The following SIGLEC11 variants were observed in gnomAD, a reference collection of about 807,000 sequenced individuals.
The protein encoded by SIGLEC11 is sialic acid binding Ig like lectin 11.
Under a neutral mutation model 61.2 loss-of-function variants are expected in SIGLEC11, and 47 were observed. The observed-to-expected ratio is 0.77, with a 90% CI of 0.61 to 0.98. SIGLEC11 has a LOEUF of 0.98. Among genes scored for constraint, SIGLEC11 ranks in the 50% least tolerant of loss-of-function variants. The pLI is 0.00. For synonymous variants in SIGLEC11, 278 were observed against 373.1 expected (o/e 0.75, Z 2.94); for missense variants, 610 against 870.3 (o/e 0.70, Z 3.76).
chr19:49,959,603 C>T lies in SIGLEC11; in HGVS notation c.814G>A (p.Val272Ile), dbSNP rs112095721. The change falls in exon 5 of 11, where the codon GTC becomes ATC. Residue 272 changes from valine to isoleucine, a missense_variant. By Grantham distance (29) the Val-to-Ile change is conservative. This residue lies in a region of SIGLEC11 where 12 missense variants were observed against 101.0 expected (regional missense o/e 0.12). Coordinates refer to ENST00000447370, the MANE Select transcript of SIGLEC11 (RefSeq NM_052884.3). ...CCTTTCTGAACTTCCAGATATATGA[C>T]GTTTCCCTGGAGTTCCAGGGCTGAA... ...NTSALELQGN[V>I]IYLEVQKGQF... is the part of the protein sequence containing the mutation. 0.041 allele frequency: 23,778 copies of T among 575,608 alleles called. 253 individuals carry two copies. Among genetic ancestry groups the T allele is most frequent in the Non-Finnish European group, 0.047 (19,254 of 412,524 alleles). The allele number at this position is 575,608 out of a possible 1,614,324, so 35.7% of individuals were successfully genotyped here.
At position 49,952,395 on chromosome 19, in the gene SIGLEC11, C is replaced by T. The variant is rs2076164661; in HGVS notation, c.1652-1G>A. 1 of 1,603,948 alleles carries T rather than the reference C, an allele frequency of 6.2e-7. No homozygotes were observed. Among genetic ancestry groups the T allele is most frequent in the Non-Finnish European group, 8.5e-7 (1 of 1,179,288 alleles). On this transcript the variant is annotated splice_acceptor_variant, in intron 8 of 10. Coordinates refer to ENST00000447370, the MANE Select transcript of SIGLEC11 (RefSeq NM_052884.3). LOFTEE classifies it high-confidence loss of function. ...AGTCCTCCCCCATGCTCCAGCTTCC[C>T]TGCATGGGAGCAGGGTTTGGGGTGG...
chr19:49,949,772 G>T lies in SIGLEC11; in HGVS notation c.*198C>A, dbSNP rs2076145932. 1 of 444,788 alleles carries T rather than the reference G, an allele frequency of 2.2e-6. No individual in the cohort carries two copies. The allele number at this position is 444,788 out of a possible 1,614,324, so 27.6% of individuals were successfully genotyped here. On this transcript the variant is annotated 3_prime_UTR_variant, in exon 11 of 11. Coordinates refer to ENST00000447370, the MANE Select transcript of SIGLEC11 (RefSeq NM_052884.3). The stretch of plus-strand genomic sequence containing the variant: ...TGGGAGGCTCACTTCAACCTGGCAG[G>T]TTGAGGCTACAGTGAGCTGAGATTG...
Position 49,949,982 on chromosome 19 carries a change from C to G in SIGLEC11, c.2085G>C (p.Met695Ile). Reference sequence around the variant, plus strand: ...CATGGAGACCTCTTCACTTTGGAACCATCCCTGACATCTCCCTCTCCAATT... The same window carrying G: ...CATGGAGACCTCTTCACTTTGGAACGATCCCTGACATCTCCCTCTCCAATT... ...GLQLEREMSG[M>I]VPK The change falls in exon 11 of 11, where the codon ATG becomes ATC. Residue 695 changes from methionine (M) to isoleucine (I), a missense_variant. Transcript: ENST00000447370. The G allele has an allele frequency of 1.4e-6, 2 of 1,474,408 alleles. No individual in the cohort carries two copies. Among genetic ancestry groups the G allele is most frequent in the Non-Finnish European group, 1.8e-6 (2 of 1,107,608 alleles). 91.3% of individuals were successfully genotyped at this position (1,474,408 alleles called of 1,614,324 possible).
At chr19:49,959,656 GAGAGAGAGAATGGGT>G in intron 4 of SIGLEC11, 33 bp from the exon 5 acceptor site, 3 of 195,630 alleles carry the variant, frequency 1.5e-5, no homozygotes, top group Admixed American at 9.0e-5. Context: ...GGTGGGGGTG[GAGAGAGAGAATGGGT>G]GGGAGGGGGG....
At chr19:49,952,617 T>C (rs1198046264) in intron 8 of SIGLEC11, among the ~76,000 whole-genome samples, 1 of 152,192 alleles carries the variant, frequency 6.6e-6, no homozygotes, top group African/African-American at 2.4e-5. Context: ...AGGACAGTTA[T>C]AAGATAATAC....
chr19:49,960,390 G>C lies in SIGLEC11; in HGVS notation c.492C>G (p.Pro164=), dbSNP rs377136595. ...ALTKKPDVYI[P]ETLEPGQPVT... is the part of the protein sequence containing the mutation. ...CCGGCTGCCCGGGCTCCAGGGTCTCGGGGATGTAGACATCAGGCTTCTTAG... is the reference window on the plus strand; with the variant it reads ...CCGGCTGCCCGGGCTCCAGGGTCTCCGGGATGTAGACATCAGGCTTCTTAG... The change falls in exon 3 of 11, where the codon CCC becomes CCG. Residue 164 remains proline, a synonymous_variant. Coordinates refer to ENST00000447370, the MANE Select transcript of SIGLEC11 (RefSeq NM_052884.3). 2.4e-5 allele frequency: 38 copies of C among 1,597,358 alleles called. 1 individual carries two copies. Among genetic ancestry groups the C allele is most frequent in the Non-Finnish European group, 3.2e-5 (38 of 1,178,528 alleles).
At chr19:49,956,723 A>G (rs1431360178) in intron 8 of SIGLEC11, among the ~76,000 whole-genome samples, 1 of 152,162 alleles carries the variant, frequency 6.6e-6, no homozygotes, top group Non-Finnish European at 1.5e-5. Context: ...GGGATACCAC[A>G]CTCCTATTTA....
rs556080723 is a variant in SIGLEC11, at chr19:49,951,045, G to A, written c.1831-809C>T. ...CTGGTAGGAGCATCCCTGTTGACCT[G>A]GGACCACAAGCCAGGCCACATAGTT... On this transcript the variant is annotated intron_variant, in intron 10 of 10. Coordinates refer to ENST00000447370, the MANE Select transcript of SIGLEC11 (RefSeq NM_052884.3). This position sits in a 1 kb window ranked among gnomAD's most constrained non-coding sequence, Gnocchi z 4.6. Among the ~76,000 whole-genome samples the A allele has an allele frequency of 3.9e-5, 6 of 152,306 alleles. No homozygotes were observed. The highest frequency in any genetic ancestry group is 7.2e-5 in the African/African-American group (3 of 41,564).
chr19:49,954,969 G>C (rs2055582305), intron 8 of SIGLEC11, among the ~76,000 whole-genome samples: 1 of 151,956 alleles, frequency 6.6e-6, no homozygotes, highest in African/African-American at 2.4e-5. Flanking sequence ...GTGCTTCAGA[G>C]AGCTGACGAG....
At chr19:49,953,483 C>T (rs891190081) in intron 8 of SIGLEC11, among the ~76,000 whole-genome samples, 4 of 152,060 alleles carry the variant, frequency 2.6e-5, no homozygotes, top group African/African-American at 9.7e-5. Context: ...CTGGAGGTGG[C>T]GAGAGTGGCT....
In SIGLEC11 at chr19:49,958,788, C is replaced by G. The variant is rs772928619; in HGVS notation, c.1218G>C (p.Trp406Cys). ...GCTGGGAGGGGCCCACGGTCTGTCC[C>G]CACCGGGTCCAGCTCAGCCTGGCTG... is the stretch of plus-strand genomic sequence containing the variant. ...SPPARLSWTR[W>C]GQTVGPSQPS... The change falls in exon 7 of 11, where the codon TGG becomes TGC. Residue 406 changes from tryptophan (W) to cysteine (C), a missense_variant. This residue lies in a region of SIGLEC11 where 432 missense variants were observed against 441.5 expected (regional missense o/e 0.98). Coordinates refer to ENST00000447370, the MANE Select transcript of SIGLEC11 (RefSeq NM_052884.3). 1 of 1,613,604 alleles carries G rather than the reference C, an allele frequency of 6.2e-7. No individual in the cohort carries two copies. Among genetic ancestry groups the G allele is most frequent in the Admixed American group, 1.7e-5 (1 of 59,970 alleles).
Position 49,951,066 on chromosome 19 carries a change from T to C in SIGLEC11, c.1830+825A>G, listed in dbSNP as rs538886103. Among the ~76,000 whole-genome samples, 18 of 152,268 alleles carry C rather than the reference T, an allele frequency of 1.2e-4. No homozygotes were observed. In the South Asian group the frequency reaches 3.3e-3, roughly 28 times the overall value. On this transcript the variant is annotated intron_variant, in intron 10 of 10. Coordinates refer to ENST00000447370, the MANE Select transcript of SIGLEC11 (RefSeq NM_052884.3). This position sits in a 1 kb window ranked among gnomAD's most constrained non-coding sequence, Gnocchi z 4.6. Reference sequence around the variant, plus strand: ...ACCTGGGACCACAAGCCAGGCCACATAGTTTACGCCAGCACTGGGACTTAC... The same window carrying C: ...ACCTGGGACCACAAGCCAGGCCACACAGTTTACGCCAGCACTGGGACTTAC...
rs149136670 is a variant in SIGLEC11, at chr19:49,958,867, G to A, written c.1139C>T (p.Pro380Leu). Residue 380 changes from proline to leucine, a missense_variant, in exon 7 of 11, where the codon CCG becomes CTG. By Grantham distance (98) the Pro-to-Leu change is moderately conservative. Transcript: ENST00000447370. Reference sequence around the variant, plus strand: ...GCGCAGGCTTTGGCCCTCCAGGACCGGGAGGGATGTGCCGTTCCCGAGGTT... The same window carrying A: ...GCGCAGGCTTTGGCCCTCCAGGACCAGGAGGGATGTGCCGTTCCCGAGGTT... ...LENLGNGTSLPVLEGQSLRLV... is the reference protein window; with the variant it reads ...LENLGNGTSLLVLEGQSLRLV... The A allele has an allele frequency of 4.4e-5, 70 of 1,603,334 alleles. No homozygotes were observed. Among genetic ancestry groups the A allele is most frequent in the African/African-American group, 3.9e-4 (29 of 74,524 alleles).
chr19:49,952,249 G>T, intron 9 of SIGLEC11, 49 bp downstream of exon 9: 3 of 1,569,862 alleles, frequency 1.9e-6, no homozygotes, highest in South Asian at 1.1e-5. Context: ...TGGGATTCTA[G>T]AACCCTCACC....
chr19:49,952,052 G>C, intron 9 of SIGLEC11, 80 bp from the exon 10 acceptor site: 1 of 1,397,072 alleles, frequency 7.2e-7, no homozygotes, highest in South Asian at 1.4e-5. Context: ...GCTTAGCAGA[G>C]GCTGGAAGGC....
At chr19:49,957,636 C>T (rs2076206438) in intron 8 of SIGLEC11, among the ~76,000 whole-genome samples, 1 of 152,182 alleles carries the variant, frequency 6.6e-6, no homozygotes, top group South Asian at 2.1e-4. Flanking sequence ...TCTTTTGACA[C>T]AGCTACAAGG....
chr19:49,957,605 T>C (rs1391652065), intron 8 of SIGLEC11, among the ~76,000 whole-genome samples: 4 of 152,220 alleles, frequency 2.6e-5, no homozygotes, highest in African/African-American at 9.6e-5. Flanking sequence ...CAAATGTCTG[T>C]ATTTAACCAG....
At chr19:49,952,869 C>T (rs2076167881) in intron 8 of SIGLEC11, among the ~76,000 whole-genome samples, 1 of 152,154 alleles carries the variant, frequency 6.6e-6, no homozygotes, top group Non-Finnish European at 1.5e-5. Context: ...AATTATGTCA[C>T]CTATCCTAAA....
Position 49,960,626 on chromosome 19 carries a change from T to C in SIGLEC11, c.386A>G (p.Tyr129Cys), listed in dbSNP as rs575017237. 2 of 1,601,884 alleles carry C rather than the reference T, an allele frequency of 1.2e-6. No individual in the cohort carries two copies. Among genetic ancestry groups the C allele is most frequent in the Non-Finnish European group, 1.7e-6 (2 of 1,178,970 alleles). ...GCTTCCTCTCTCCACCCGAAAGAAG[T>C]ACCATGCCTCATCCTCCCTCTGCGC... ...RDAQREDEAW[Y>C]FFRVERGSRV... Residue 129 changes from tyrosine to cysteine, a missense_variant, in exon 2 of 11, where the codon TAC becomes TGC. Physicochemically the swap from Tyr to Cys is radical, Grantham distance 194. Around this residue, in one of 6 missense-constraint regions of SIGLEC11, gnomAD observed 99 missense variants for 131.6 expected, o/e 0.75. Coordinates refer to ENST00000447370, the MANE Select transcript of SIGLEC11 (RefSeq NM_052884.3).
Sources: gnomAD v4.1 joint callset for allele counts (sites outside exome capture counted in the v4.1 genomes callset) on GRCh38, gnomAD v4.1.1 for gene constraint, gnomAD v4.1.1 regional missense constraint, Gnocchi (gnomAD v3.1) non-coding constraint, MANE v1.5 for transcripts, NCBI Gene and HGNC (gene_info 2026-07-23, HGNC 2026-07-21) for gene names.